Variants in CASZ1 observed in about 807,000 individuals in gnomAD.
CASZ1 encodes castor zinc finger 1.
CASZ1 carries 28 observed loss-of-function variants against 135.2 expected under a neutral mutation model. That is an observed-to-expected ratio of 0.21 (90% CI 0.15 to 0.28). The LOEUF (loss-of-function observed/expected upper bound fraction) is 0.28, where lower values mean the gene tolerates loss of function less well. Among genes scored for constraint, CASZ1 ranks in the 10% least tolerant of loss-of-function variants. CASZ1 has a pLI of 1.00. For missense variants in CASZ1, 2,161 were observed against 2,453.3 expected (o/e 0.88, Z 2.52); for synonymous variants, 1,068 against 1,073.4 (o/e 0.99, Z 0.10).
Position 10,639,482 on chromosome 1 carries a change from G to C in CASZ1, c.4740C>G (p.His1580Gln). ...CCATCTGCGACATGCCCACCACCGT[G>C]TGGCGGCAGCCCGGGAAGGTGCAGT... ...HFHCTFPGCR[H>Q]TVVGMSQMDS... Residue 1580 changes from histidine (H) to glutamine (Q), a missense_variant, in exon 21 of 21, where the codon CAC (histidine) becomes CAG (glutamine). By Grantham distance (24) the His-to-Gln change is conservative. Transcript: ENST00000377022. The surrounding 1 kb of genome is among the most constrained non-coding windows in gnomAD (Gnocchi z 4.0). 1 of 1,610,410 alleles carries C rather than the reference G, an allele frequency of 6.2e-7. No individual in the cohort carries two copies. The highest frequency in any genetic ancestry group is 8.5e-7 in the Non-Finnish European group (1 of 1,179,038).
intron 2 of CASZ1, among the ~76,000 whole-genome samples, chr1:10,746,723 A>G (rs1435163211): frequency 6.6e-6 from 1 of 152,236 alleles, no homozygotes; most frequent in Admixed American, 6.5e-5. Context: ...TGGGGCCACC[A>G]CAGGGCAGAG....
rs1346065316 is a variant in CASZ1 at position 10,679,667 on chromosome 1, C to A, written c.17-14096G>T. 5.9e-5 allele frequency among the ~76,000 whole-genome samples: 9 copies of A among 152,188 alleles called. No homozygotes were observed. The highest frequency in any genetic ancestry group is 2.0e-4 in the Admixed American group (3 of 15,286). On this transcript the variant is annotated intron_variant, in intron 4 of 20. Transcript: ENST00000377022. This position sits in a 1 kb window ranked among gnomAD's most constrained non-coding sequence, Gnocchi z 4.7. The stretch of plus-strand genomic sequence containing the variant: ...TCCACATCCTGTGCCTGCACGGGCA[C>A]CCTTCTCCTCCCCTCCACCTGCCTC...
At chr1:10,672,809 C>T (rs1643449573) in intron 4 of CASZ1, among the ~76,000 whole-genome samples, 1 of 152,218 alleles carries the variant, frequency 6.6e-6, no homozygotes, top group African/African-American at 2.4e-5. Flanking sequence ...TGACATTCCA[C>T]GCCTGCGAGA....
chr1:10,750,806 G>C (rs896297951), intron 2 of CASZ1, among the ~76,000 whole-genome samples: 1 of 152,142 alleles, frequency 6.6e-6, no homozygotes, highest in Non-Finnish European at 1.5e-5. Context: ...GGCTGAAGCA[G>C]GAGAATAGCT....
chr1:10,784,788 A>G (rs1399339704), intron 1 of CASZ1, among the ~76,000 whole-genome samples: 1 of 152,038 alleles, frequency 6.6e-6, no homozygotes, highest in East Asian at 1.9e-4. Flanking sequence ...TTGGTCTCGA[A>G]CTCCTGACTT....
chr1:10,789,588 A>G (rs10864471), intron 1 of CASZ1, among the ~76,000 whole-genome samples: 16,611 of 143,780 alleles, frequency 0.12, 1,618 homozygotes, highest in East Asian at 0.58. Context: ...CCGCACCTTC[A>G]CTCTCTTTCT....
rs543069020 is a variant in CASZ1 at position 10,759,781 on chromosome 1, G to A, written c.-77+920C>T. 7.4e-4 allele frequency among the ~76,000 whole-genome samples: 112 copies of A among 152,098 alleles called. 5 individuals are homozygous for A. The South Asian group carries it at 0.023, about 31-fold the overall frequency. ...CGCAGGCAGGTGAGCCAGGGACACC[G>A]GCTCCAGGCTGGCACACATAGGAAG... is the stretch of plus-strand genomic sequence containing the variant. On this transcript the variant is annotated intron_variant, in intron 2 of 20. Coordinates refer to ENST00000377022, the MANE Select transcript of CASZ1 (RefSeq NM_001079843.3). The surrounding 1 kb of genome is among the most constrained non-coding windows in gnomAD (Gnocchi z 4.2).
Position 10,647,815 on chromosome 1 carries a change from G to A in CASZ1, c.3483C>T (p.Leu1161=). The A allele has an allele frequency of 1.9e-6, 3 of 1,613,734 alleles. No homozygotes were observed. The highest frequency in any genetic ancestry group is 1.1e-5 in the South Asian group (1 of 91,078). Residue 1161 remains leucine (L), a synonymous_variant, in exon 16 of 21, where the codon CTC becomes CTT. Coordinates refer to ENST00000377022, the MANE Select transcript of CASZ1 (RefSeq NM_001079843.3). This position sits in a 1 kb window ranked among gnomAD's most constrained non-coding sequence, Gnocchi z 4.9. The stretch of plus-strand genomic sequence containing the variant: ...GAGGGACTCACTTCTCCTGGAACTG[G>A]AGGAATCCGGGTTTGACCTGGGGCT... ...NAKPQVKPGF[L]QFQENDPCLA...
chr1:10,636,772 A>G lies in CASZ1; in HGVS notation c.*2170T>C, dbSNP rs1642007936. 1 of 152,348 alleles carries G rather than the reference A, an allele frequency of 6.6e-6. No homozygotes were observed. Among genetic ancestry groups the G allele is most frequent in the South Asian group, 2.1e-4 (1 of 4,828 alleles). The allele number at this position is 152,348 out of a possible 1,614,324, so 9.4% of individuals were successfully genotyped here. ...ACCAGGTGCCGAGGAGACCAGATTC[A>G]AGTAATCAGAGCACACGCTGTTCAG... is the stretch of plus-strand genomic sequence containing the variant. On this transcript the variant is annotated 3_prime_UTR_variant, in exon 21 of 21. Transcript: ENST00000377022.
Position 10,660,305 on chromosome 1 carries a change from A to G in CASZ1, c.737T>C (p.Leu246Pro). 6.2e-7 allele frequency: 1 copy of G among 1,613,966 alleles called. No individual in the cohort carries two copies. Among genetic ancestry groups the G allele is most frequent in the Non-Finnish European group, 8.5e-7 (1 of 1,179,990 alleles). ...FSKYEEYIRK[L>P]KAGEQLSWPA... Reference sequence around the variant, plus strand: ...CCAGGAGAGCTGCTCGCCAGCCTTGAGCTTGCGGATGTACTCCTCATACTT... The same window carrying G: ...CCAGGAGAGCTGCTCGCCAGCCTTGGGCTTGCGGATGTACTCCTCATACTT... The change falls in exon 6 of 21, where the codon CTC becomes CCC. Residue 246 changes from leucine (L) to proline (P), a missense_variant. By Grantham distance (98) the Leu-to-Pro change is moderately conservative (BLOSUM62 -3). This residue lies in a region of CASZ1 where 590 missense variants were observed against 609.8 expected (regional missense o/e 0.97). Transcript: ENST00000377022.
chr1:10,651,910 A>C (rs1015021115), intron 11 of CASZ1: 1 of 152,204 alleles, frequency 6.6e-6, no homozygotes, highest in African/African-American at 2.4e-5. Flanking sequence ...AAAGTACTTG[A>C]CAGTCTGGCC....
intron 1 of CASZ1, among the ~76,000 whole-genome samples, chr1:10,781,129 T>C (rs975372231): frequency 6.6e-6 from 1 of 152,202 alleles, no homozygotes; most frequent in Non-Finnish European, 1.5e-5. Flanking sequence ...CTCAGGATGC[T>C]GGTCCTGGCT....
chr1:10,650,988 G>A lies in CASZ1; in HGVS notation c.2769C>T (p.His923=), dbSNP rs202203378. 1.4e-5 allele frequency: 22 copies of A among 1,579,362 alleles called. No individual in the cohort carries two copies. The Admixed American group carries it at 2.1e-4, about 15-fold the overall frequency. The change falls in exon 12 of 21, where the codon CAC becomes CAT. Residue 923 remains histidine (H), a synonymous_variant. Coordinates refer to ENST00000377022, the MANE Select transcript of CASZ1 (RefSeq NM_001079843.3). ...PGESTGAPGP[H]EASQDRSLDL... is the part of the protein sequence containing the mutation. ...CTAGACTGCGGTCCTGGGAGGCTTC[G>A]TGGGGGCCTGGGGCGCCGGTGCTCT...
chr1:10,677,322 A>G (rs1638256094), intron 4 of CASZ1, among the ~76,000 whole-genome samples: 1 of 151,990 alleles, frequency 6.6e-6, no homozygotes, highest in Non-Finnish European at 1.5e-5. Flanking sequence ...CAGGGGAAGG[A>G]TTGACAGAGG....
At chr1:10,645,802 C>T (rs981848493) in intron 17 of CASZ1, among the ~76,000 whole-genome samples, 1 of 152,030 alleles carries the variant, frequency 6.6e-6, no homozygotes. Context: ...TGGGCCTGTT[C>T]GAAAATTCTA....
chr1:10,704,872 AG>A (rs1282021930), intron 3 of CASZ1, among the ~76,000 whole-genome samples: 5 of 152,366 alleles, frequency 3.3e-5, no homozygotes, highest in Admixed American at 2.0e-4. Flanking sequence ...CAGCCCGTGA[AG>A]GCTGGGCCAG....
chr1:10,642,690 G>A (rs558954523), intron 20 of CASZ1, among the ~76,000 whole-genome samples, 169 bp downstream of exon 20: 3 of 152,350 alleles, frequency 2.0e-5, no homozygotes, highest in South Asian at 2.1e-4. Flanking sequence ...GGAGGATGGC[G>A]GGAGGGGCCT....
rs1183799157 is a variant in CASZ1 at position 10,757,507 on chromosome 1, G to T, written c.-77+3194C>A. 6.6e-6 allele frequency among the ~76,000 whole-genome samples: 1 copy of T among 152,188 alleles called. No individual in the cohort carries two copies. The highest frequency in any genetic ancestry group is 2.4e-5 in the African/African-American group (1 of 41,430). On this transcript the variant is annotated intron_variant, in intron 2 of 20. Transcript: ENST00000377022. This position sits in a 1 kb window ranked among gnomAD's most constrained non-coding sequence, Gnocchi z 4.6. ...AACTACCTTTTTAAAACAAACATTGGCTGGGTGCAGTGGCTCATGCCTGTA... is the reference window on the plus strand; with the variant it reads ...AACTACCTTTTTAAAACAAACATTGTCTGGGTGCAGTGGCTCATGCCTGTA...
chr1:10,677,519 G>A (rs1638261225), intron 4 of CASZ1, among the ~76,000 whole-genome samples: 1 of 152,188 alleles, frequency 6.6e-6, no homozygotes, highest in South Asian at 2.1e-4. Flanking sequence ...GCTAAGGAGG[G>A]CAGCCTGCAC....
Sources: gnomAD v4.1 joint callset for allele counts (sites outside exome capture counted in the v4.1 genomes callset) on GRCh38, gnomAD v4.1.1 for gene constraint, gnomAD v4.1.1 regional missense constraint, Gnocchi (gnomAD v3.1) non-coding constraint, MANE v1.5 for transcripts, NCBI Gene and HGNC (gene_info 2026-07-23, HGNC 2026-07-21) for gene names.